Variants in XPO1 observed in about 807,000 individuals in gnomAD.
XPO1 encodes the protein exportin-1.
Under a neutral mutation model 133.3 loss-of-function variants are expected in XPO1, and 5 were observed. The ratio of observed to expected loss-of-function variants is 0.04; its 90% CI spans 0.02 to 0.08. XPO1 has a LOEUF of 0.08. Ranked by LOEUF, XPO1 falls within the 10% of genes least tolerant of loss-of-function variation. The probability of loss-of-function intolerance (pLI) is 1.00; values close to 1 mark genes in which losing one functional copy is unlikely to be tolerated. For synonymous variants in XPO1, 419 were observed against 408.2 expected, an observed-to-expected ratio of 1.03 and a Z score of -0.32; for missense variants, 506 against 1,267.5, an observed-to-expected ratio of 0.40 and a Z score of 9.12.
At chr2:61,498,482 G>A (rs1054275726) in intron 9 of XPO1, among the ~76,000 whole-genome samples, 191 bp downstream of exon 9, 2 of 152,196 alleles carry the variant, frequency 1.3e-5, no homozygotes, top group Non-Finnish European at 2.9e-5. Flanking sequence ...CATGGTCTAA[G>A]TGGCAGAATC....
At chr2:61,520,117 C>CAA (rs1192012722) in intron 4 of XPO1, among the ~76,000 whole-genome samples, 1 of 151,972 alleles carries the variant, frequency 6.6e-6, no homozygotes, top group East Asian at 1.9e-4. Context: ...CCCAGGTGAA[C>CAA]AAATATATAT....
intron 4 of XPO1, among the ~76,000 whole-genome samples, chr2:61,502,983 T>C (rs1331726013): frequency 3.6e-4 from 43 of 120,960 alleles, no homozygotes; most frequent in African/African-American, 1.2e-3. Context: ...TTTTTTTTTT[T>C]GAGACGGAGT....
intron 18 of XPO1, 45 bp downstream of exon 18, chr2:61,488,543 G>T: frequency 1.3e-6 from 2 of 1,547,236 alleles, no homozygotes; most frequent in Non-Finnish European, 8.8e-7. Context: ...TAGAAGAGAA[G>T]TGGTTTGTTT....
intron 3 of XPO1, among the ~76,000 whole-genome samples, chr2:61,522,979 G>C (rs922274093): frequency 5.9e-5 from 9 of 152,124 alleles, no homozygotes; most frequent in Admixed American, 2.6e-4. Context: ...CTTATCTGTC[G>C]AAGGAAAAGT....
intron 4 of XPO1, among the ~76,000 whole-genome samples, chr2:61,511,184 C>T (rs527447931): frequency 4.6e-5 from 7 of 151,504 alleles, no homozygotes; most frequent in East Asian, 3.9e-4. Flanking sequence ...AATGCAATGG[C>T]GCAATCTCGG....
At chr2:61,532,492 A>G (rs1447851939) in intron 2 of XPO1, among the ~76,000 whole-genome samples, 1 of 152,086 alleles carries the variant, frequency 6.6e-6, no homozygotes, top group African/African-American at 2.4e-5. Flanking sequence ...CCCATCTACT[A>G]GCTGAACATT....
intron 23 of XPO1, 33 bp from the exon 24 acceptor site, chr2:61,481,314 T>C: frequency 1.3e-6 from 2 of 1,537,966 alleles, no homozygotes; most frequent in Non-Finnish European, 1.8e-6. Flanking sequence ...TAAATAATGA[T>C]TTATTTTTCC....
intron 4 of XPO1, among the ~76,000 whole-genome samples, chr2:61,509,445 G>C (rs946977565): frequency 2.6e-5 from 4 of 152,062 alleles, no homozygotes; most frequent in Admixed American, 1.3e-4. Context: ...TGACCAACAT[G>C]AAGAAACCCT....
chr2:61,512,422 G>A (rs1698140926), intron 4 of XPO1, among the ~76,000 whole-genome samples: 2 of 152,142 alleles, frequency 1.3e-5, no homozygotes, highest in South Asian at 4.1e-4. Flanking sequence ...CACATACAGG[G>A]AAAAGCAGCA....
At chr2:61,530,429 A>C (rs966974940) in intron 2 of XPO1, among the ~76,000 whole-genome samples, 1 of 152,188 alleles carries the variant, frequency 6.6e-6, no homozygotes, top group African/African-American at 2.4e-5. Context: ...GAGAAAACCT[A>C]GCATCTCCCT....
chr2:61,483,154 A>C, intron 21 of XPO1, 63 bp from the exon 22 acceptor site: 1 of 1,525,950 alleles, frequency 6.6e-7, no homozygotes, highest in Non-Finnish European at 8.8e-7. Context: ...GATAGTATTT[A>C]GCTCTTATCA....
chr2:61,534,066 G>T, intron 1 of XPO1, 163 bp from the exon 2 acceptor site: 2 of 643,940 alleles, frequency 3.1e-6, no homozygotes, highest in South Asian at 4.5e-5. Flanking sequence ...AGTAACAAAA[G>T]CTGAAATTAC....
intron 24 of XPO1, among the ~76,000 whole-genome samples, chr2:61,479,254 C>G (rs1392191223): frequency 6.6e-6 from 1 of 152,028 alleles, no homozygotes; most frequent in Non-Finnish European, 1.5e-5. Flanking sequence ...TACTTGATGT[C>G]AGGAGACCAC....
intron 4 of XPO1, among the ~76,000 whole-genome samples, chr2:61,508,295 A>T (rs1206217111): frequency 6.6e-6 from 1 of 152,232 alleles, no homozygotes; most frequent in Admixed American, 6.6e-5. Context: ...AAATTTATTC[A>T]AAATATAATA....
intron 1 of XPO1, among the ~76,000 whole-genome samples, chr2:61,534,899 A>G (rs888059345): frequency 4.6e-5 from 7 of 152,038 alleles, no homozygotes; most frequent in African/African-American, 1.2e-4. Flanking sequence ...AGCTACAAAC[A>G]TATTTACTGA....
rs1380321500 is a variant in XPO1, at chr2:61,497,020, G to C, written c.760-13C>G. 2 of 1,597,584 alleles carry C rather than the reference G, an allele frequency of 1.3e-6. No homozygotes were observed. The highest frequency in any genetic ancestry group is 1.7e-6 in the Non-Finnish European group (2 of 1,175,454). ...GAACATTCAGGAACTATTTAAAAGG[G>C]GGGAGGGAACCATAAAATTAATTGG... On this transcript the variant is annotated splice_polypyrimidine_tract_variant and intron_variant, in intron 9 of 24. Coordinates refer to ENST00000401558, the MANE Select transcript of XPO1 (RefSeq NM_003400.4).
chr2:61,520,711 G>C (rs898434103), intron 4 of XPO1, among the ~76,000 whole-genome samples: 4 of 152,176 alleles, frequency 2.6e-5, no homozygotes, highest in Admixed American at 1.3e-4. Context: ...TGTAACTACA[G>C]TGTTGATAAA....
At chr2:61,526,112 T>C (rs1416460132) in intron 3 of XPO1, 6 of 1,148,430 alleles carry the variant, frequency 5.2e-6, no homozygotes, top group Non-Finnish European at 6.4e-6. Context: ...CTTAATGTTA[T>C]GTTTAATCTC....
At chr2:61,524,711 G>C (rs1016038701) in intron 3 of XPO1, among the ~76,000 whole-genome samples, 59 of 152,354 alleles carry the variant, frequency 3.9e-4, no homozygotes, top group African/African-American at 1.4e-3. Flanking sequence ...AGGGCCAGGA[G>C]TTCAAGATCA....
Sources: gnomAD v4.1 joint callset for allele counts (sites outside exome capture counted in the v4.1 genomes callset) on GRCh38, gnomAD v4.1.1 for gene constraint, MANE v1.5 for transcripts, NCBI Gene and HGNC (gene_info 2026-07-23, HGNC 2026-07-21) for gene names.